TFEC: variants seen among roughly 807,000 people sequenced by gnomAD.
TFEC encodes transcription factor EC, also known as class E basic helix-loop-helix protein 34.
In TFEC, 31 loss-of-function variants were observed where a neutral mutation model predicts 41.6. The ratio of observed to expected loss-of-function variants is 0.74; its 90% CI spans 0.56 to 1.01. The LOEUF is 1.01. Among genes scored for constraint, TFEC ranks in the 50% least tolerant of loss-of-function variants. The probability of loss-of-function intolerance (pLI) is 0.00; values close to 1 mark genes in which losing one functional copy is unlikely to be tolerated. For synonymous variants in TFEC, 143 were observed against 140.6 expected (o/e 1.02, Z -0.12); for missense variants, 402 against 404.1 (o/e 0.99, Z 0.04).
At chr7:116,020,036 T>C (rs1795334104) in intron 1 of TFEC, among the ~76,000 whole-genome samples, 1 of 152,162 alleles carries the variant, frequency 6.6e-6, no homozygotes. Context: ...TTTAGAGCTC[T>C]GCCTGCCTTG....
chr7:116,000,940 G>GAA (rs35990082), intron 1 of TFEC, among the ~76,000 whole-genome samples: 3 of 132,636 alleles, frequency 2.3e-5, no homozygotes, highest in Admixed American at 7.5e-5. Context: ...CACAGAAATA[G>GAA]AAAAAAAAAA....
intron 3 of TFEC, among the ~76,000 whole-genome samples, chr7:116,066,048 A>G (rs1026964032): frequency 6.6e-6 from 1 of 152,190 alleles, no homozygotes; most frequent in African/African-American, 2.4e-5. Context: ...TAAAGTAAGA[A>G]TCACTGGCAA....
rs974564760 is a variant in TFEC, at chr7:115,938,051, C to T, written c.*2500G>A. ...TTACAGTTCCCTGACATCTCATAAT[C>T]TGAATGTAGCAGCAAATAGCAGTTC... On this transcript the variant is annotated 3_prime_UTR_variant, in exon 8 of 8. Coordinates refer to ENST00000265440, the MANE Select transcript of TFEC (RefSeq NM_012252.4). 6.6e-6 allele frequency: 1 copy of T among 151,886 alleles called. No homozygotes were observed. Among genetic ancestry groups the T allele is most frequent in the African/African-American group, 2.4e-5 (1 of 41,414 alleles). 9.4% of individuals were successfully genotyped at this position (151,886 alleles called of 1,614,324 possible).
At chr7:116,132,479 G>T (rs970224007) in intron 1 of TFEC, among the ~76,000 whole-genome samples, 1 of 152,154 alleles carries the variant, frequency 6.6e-6, no homozygotes. Flanking sequence ...CAAGGATCAG[G>T]TCTAATAAAG....
intron 1 of TFEC, among the ~76,000 whole-genome samples, chr7:116,124,186 T>G (rs1368891443): frequency 6.6e-6 from 1 of 152,198 alleles, no homozygotes; most frequent in East Asian, 1.9e-4. Context: ...CCAAAACATA[T>G]AGTATAATAT....
At chr7:116,053,111 T>G (rs999011899) in intron 3 of TFEC, among the ~76,000 whole-genome samples, 4 of 151,986 alleles carry the variant, frequency 2.6e-5, no homozygotes, top group Admixed American at 6.5e-5. Flanking sequence ...AGGTTAACAA[T>G]GGGTTAATCT....
At chr7:116,050,085 C>T (rs1386968425) in intron 3 of TFEC, among the ~76,000 whole-genome samples, 1 of 152,008 alleles carries the variant, frequency 6.6e-6, no homozygotes, top group Non-Finnish European at 1.5e-5. Flanking sequence ...GAAGCAACAG[C>T]AAACACATTC....
intron 1 of TFEC, among the ~76,000 whole-genome samples, chr7:116,025,804 G>A (rs1199651947): frequency 6.6e-6 from 1 of 152,088 alleles, no homozygotes; most frequent in Non-Finnish European, 1.5e-5. Flanking sequence ...AAAAAATGTA[G>A]TAGTACATCA....
At chr7:115,964,990 A>G (rs1426757395) in intron 3 of TFEC, among the ~76,000 whole-genome samples, 2 of 151,596 alleles carry the variant, frequency 1.3e-5, no homozygotes, top group Non-Finnish European at 3.0e-5. Context: ...AAGAACAGAT[A>G]AGGCCATTGT....
In TFEC at chr7:116,100,258, A is replaced by G. The variant is rs539048569; in HGVS notation, c.198+10450T>C. Among the ~76,000 whole-genome samples, 3 of 152,320 alleles carry G rather than the reference A, an allele frequency of 2.0e-5. No homozygotes were observed. In the East Asian group the frequency reaches 5.8e-4, roughly 29 times the overall value. ...CATCTATTTGAAAATAGTCTAAAAG[A>G]GAAGATCCAATTGCCAAACATGGAG... On this transcript the variant is annotated intron_variant, in intron 3 of 8. Transcript: ENST00000484212.
At chr7:116,114,322 G>T (rs769451040) in intron 1 of TFEC, among the ~76,000 whole-genome samples, 2 of 151,914 alleles carry the variant, frequency 1.3e-5, no homozygotes, top group Non-Finnish European at 2.9e-5. Flanking sequence ...AAATAGATTT[G>T]GGGATTTCAG....
chr7:115,967,975 C>T (rs918784000), intron 3 of TFEC, among the ~76,000 whole-genome samples: 1 of 151,606 alleles, frequency 6.6e-6, no homozygotes, highest in African/African-American at 2.4e-5. Flanking sequence ...ACTAAATATA[C>T]TGTTATAATT....
chr7:116,153,542 G>A (rs1408893548), intron 1 of TFEC, among the ~76,000 whole-genome samples: 3 of 152,028 alleles, frequency 2.0e-5, no homozygotes, highest in Non-Finnish European at 2.9e-5. Context: ...GTAAGCCACC[G>A]TGCCCAGCTG....
chr7:116,110,083 G>A (rs1308382658), intron 3 of TFEC, among the ~76,000 whole-genome samples: 1 of 152,138 alleles, frequency 6.6e-6, no homozygotes, highest in South Asian at 2.1e-4. Context: ...TCATGGAGTG[G>A]GGGGAAGGGG....
At chr7:116,142,241 A>G (rs1798555106) in intron 1 of TFEC, among the ~76,000 whole-genome samples, 1 of 152,204 alleles carries the variant, frequency 6.6e-6, no homozygotes, top group African/African-American at 2.4e-5. Flanking sequence ...AATTAGATTT[A>G]CTATGAACTC....
At chr7:116,109,296 A>G (rs1229271144) in intron 3 of TFEC, among the ~76,000 whole-genome samples, 7 of 152,218 alleles carry the variant, frequency 4.6e-5, no homozygotes, top group Non-Finnish European at 7.3e-5. Flanking sequence ...AACCTACAGA[A>G]TGGGAGAAAA....
chr7:116,095,022 T>C (rs1424848493), intron 3 of TFEC, among the ~76,000 whole-genome samples: 1 of 152,216 alleles, frequency 6.6e-6, no homozygotes, highest in Non-Finnish European at 1.5e-5. Flanking sequence ...TAGATACTAA[T>C]AATGAGGATG....
At chr7:116,097,088 CAA>C (rs756277610) in intron 3 of TFEC, among the ~76,000 whole-genome samples, 3 of 111,114 alleles carry the variant, frequency 2.7e-5, no homozygotes, top group Non-Finnish European at 5.7e-5. Flanking sequence ...CACTCTGTTT[CAA>C]AAAAAAAAAA....
At chr7:115,948,874 A>AAGGGTATTCAATT (rs1436596161) in intron 6 of TFEC, among the ~76,000 whole-genome samples, 1 of 150,426 alleles carries the variant, frequency 6.6e-6, no homozygotes, top group Non-Finnish European at 1.5e-5. Context: ...GAAGGAAATA[A>AAGGGTATTCAATT]AGGGTATTCA....
Sources: gnomAD v4.1 joint callset for allele counts (sites outside exome capture counted in the v4.1 genomes callset) on GRCh38, gnomAD v4.1.1 for gene constraint, MANE v1.5 for transcripts, NCBI Gene and HGNC (gene_info 2026-07-23, HGNC 2026-07-21) for gene names.